TRIM2: variants seen among roughly 807,000 people sequenced by gnomAD.
TRIM2 encodes tripartite motif containing 2, also known as tripartite motif-containing protein 2.
TRIM2 carries 20 observed loss-of-function variants against 75.2 expected under a neutral mutation model. The observed-to-expected ratio is 0.27, with a 90% CI of 0.19 to 0.39. The LOEUF (loss-of-function observed/expected upper bound fraction) is 0.39. Among genes scored for constraint, TRIM2 ranks in the 10% least tolerant of loss-of-function variants. The probability of loss-of-function intolerance (pLI) is 1.00; values close to 1 mark genes in which losing one functional copy is unlikely to be tolerated. For synonymous variants in TRIM2, 373 were observed against 388.3 expected, an observed-to-expected ratio of 0.96 and a Z score of 0.46; for missense variants, 660 against 990.8, an observed-to-expected ratio of 0.67 and a Z score of 4.48.
intron 1 of TRIM2, among the ~76,000 whole-genome samples, chr4:153,194,553 G>A (rs896276017): frequency 6.6e-6 from 1 of 152,132 alleles, no homozygotes; most frequent in African/African-American, 2.4e-5. Context: ...ACAGAAAACG[G>A]GTCAGTGGAT....
intron 11 of TRIM2, among the ~76,000 whole-genome samples, chr4:153,330,517 C>T (rs1300494741): frequency 6.6e-6 from 1 of 152,104 alleles, no homozygotes; most frequent in Non-Finnish European, 1.5e-5. Flanking sequence ...CAGGGAGTCT[C>T]TGAGCTACTC....
chr4:153,280,270 C>T (rs964678292), intron 3 of TRIM2, among the ~76,000 whole-genome samples: 5 of 151,688 alleles, frequency 3.3e-5, no homozygotes, highest in Non-Finnish European at 5.9e-5. Context: ...ATTTGTGATA[C>T]GCTTATAACC....
chr4:153,228,590 G>C (rs1353034228), intron 1 of TRIM2, among the ~76,000 whole-genome samples: 1 of 152,184 alleles, frequency 6.6e-6, no homozygotes, highest in African/African-American at 2.4e-5. Context: ...TACAGAATAT[G>C]GTCTCCAGAC....
intron 1 of TRIM2, among the ~76,000 whole-genome samples, chr4:153,180,820 ACTC>A (rs1374386841): frequency 6.6e-6 from 1 of 151,814 alleles, no homozygotes; most frequent in Non-Finnish European, 1.5e-5. Flanking sequence ...AAGTACTAAC[ACTC>A]CTCTGCCAAC....
At chr4:153,323,889 G>C (rs1769549022) in intron 9 of TRIM2, among the ~76,000 whole-genome samples, 189 bp from the exon 10 acceptor site, 1 of 152,136 alleles carries the variant, frequency 6.6e-6, no homozygotes, top group African/African-American at 2.4e-5. Context: ...CGCAAGTAGA[G>C]AATAATATAG....
intron 1 of TRIM2, among the ~76,000 whole-genome samples, chr4:153,221,546 T>A (rs1204417404): frequency 1.3e-5 from 2 of 152,182 alleles, no homozygotes; most frequent in Non-Finnish European, 2.9e-5. Context: ...TCATAGTGTT[T>A]TGAAATTGTA....
intron 1 of TRIM2, among the ~76,000 whole-genome samples, chr4:153,229,439 G>T (rs561043424): frequency 3.8e-4 from 58 of 152,098 alleles, no homozygotes; most frequent in Non-Finnish European, 7.1e-4. Context: ...GTATTTTTTG[G>T]TAGAGACAGG....
At chr4:153,299,390 A>C (rs936037272) in intron 6 of TRIM2, among the ~76,000 whole-genome samples, 1 of 152,154 alleles carries the variant, frequency 6.6e-6, no homozygotes, top group African/African-American at 2.4e-5. Context: ...AAGACTGTGT[A>C]TATATATACC....
At chr4:153,273,433 G>A (rs1419105881) in intron 2 of TRIM2, among the ~76,000 whole-genome samples, 5 of 140,028 alleles carry the variant, frequency 3.6e-5, no homozygotes, top group South Asian at 2.2e-4. Flanking sequence ...CCGCCACCAC[G>A]CCCGGCTAAT....
At chr4:153,226,598 T>C (rs937276250) in intron 1 of TRIM2, among the ~76,000 whole-genome samples, 15 of 152,362 alleles carry the variant, frequency 9.8e-5, no homozygotes, top group African/African-American at 2.9e-4. Context: ...GGACGCCTTT[T>C]TTAGTTTAAT....
chr4:153,231,956 A>G (rs1743754564), intron 1 of TRIM2, among the ~76,000 whole-genome samples: 1 of 152,192 alleles, frequency 6.6e-6, no homozygotes, highest in Non-Finnish European at 1.5e-5. Flanking sequence ...GGGTGCTGAC[A>G]TGATGCTCAA....
intron 6 of TRIM2, among the ~76,000 whole-genome samples, chr4:153,300,069 G>T (rs1376827421): frequency 6.6e-6 from 1 of 152,174 alleles, no homozygotes. Context: ...TTTCTTTGCG[G>T]CACCGAAAAT....
At chr4:153,272,399 C>G (rs1046497121) in intron 2 of TRIM2, among the ~76,000 whole-genome samples, 1 of 152,258 alleles carries the variant, frequency 6.6e-6, no homozygotes, top group East Asian at 1.9e-4. Context: ...CTGCCCAGCT[C>G]GGCCTCCCAA....
Position 153,295,463 on chromosome 4 carries a change from G to C in TRIM2, c.937G>C (p.Asp313His), listed in dbSNP as rs1242930186. 1.2e-6 allele frequency: 2 copies of C among 1,614,182 alleles called. No homozygotes were observed. Among genetic ancestry groups the C allele is most frequent in the East Asian group, 2.2e-5 (1 of 44,878 alleles). ...QMSEKLNELA[D>H]QDFPLHPREN... ...GAGCGAGAAGCTGAACGAGCTGGCC[G>C]ACCAGGACTTCCCCTTGCACCCGCG... Residue 313 changes from aspartate (D) to histidine (H), a missense_variant, in exon 6 of 12, where the codon GAC (aspartate) becomes CAC (histidine). Transcript: ENST00000338700. The surrounding 1 kb of genome is among the most constrained non-coding windows in gnomAD (Gnocchi z 7.2).
At chr4:153,299,308 T>G (rs751526279) in intron 6 of TRIM2, among the ~76,000 whole-genome samples, 3 of 152,160 alleles carry the variant, frequency 2.0e-5, no homozygotes, top group Non-Finnish European at 4.4e-5. Flanking sequence ...AATGACAGGA[T>G]TTCCTCAATT....
chr4:153,174,664 T>C (rs938579417), intron 1 of TRIM2, among the ~76,000 whole-genome samples: 2 of 152,146 alleles, frequency 1.3e-5, no homozygotes. Flanking sequence ...TTTCATTAGT[T>C]TAAAAAATTA....
chr4:153,205,127 C>G (rs1735036837), intron 1 of TRIM2, among the ~76,000 whole-genome samples: 1 of 152,190 alleles, frequency 6.6e-6, no homozygotes, highest in Non-Finnish European at 1.5e-5. Context: ...CTATGTCCCT[C>G]TGCCGTGCGA....
chr4:153,249,418 T>A (rs1432185351), intron 1 of TRIM2, among the ~76,000 whole-genome samples: 1 of 152,238 alleles, frequency 6.6e-6, no homozygotes, highest in African/African-American at 2.4e-5. Context: ...AGGTCGGTGG[T>A]TATGACCGCA....
At chr4:153,168,033 T>C (rs531135180) in intron 1 of TRIM2, among the ~76,000 whole-genome samples, 22 of 152,326 alleles carry the variant, frequency 1.4e-4, no homozygotes, top group African/African-American at 4.8e-4. Context: ...CTTGGTTTAT[T>C]TGTGATTTTT....
Sources: gnomAD v4.1 joint callset for allele counts (sites outside exome capture counted in the v4.1 genomes callset) on GRCh38, gnomAD v4.1.1 for gene constraint, Gnocchi (gnomAD v3.1) non-coding constraint, MANE v1.5 for transcripts, NCBI Gene and HGNC (gene_info 2026-07-23, HGNC 2026-07-21) for gene names.